Variants in KCTD14 observed in about 807,000 individuals in gnomAD.
KCTD14 encodes the protein potassium channel tetramerization domain containing 14, also known as BTB/POZ domain-containing protein KCTD14.
A neutral mutation model predicts 5.9 loss-of-function variants in KCTD14; 7 were observed. The observed-to-expected ratio is 1.19, with a 90% confidence interval of 0.68 to 2.23. The LOEUF (loss-of-function observed/expected upper bound fraction) is 2.23. Among genes scored for constraint, KCTD14 ranks in the 30% most tolerant of loss-of-function variants. KCTD14 has a pLI of 0.00. For missense variants in KCTD14, 342 were observed against 332.2 expected (o/e 1.03, Z -0.23); for synonymous variants, 140 against 133.1 (o/e 1.05, Z -0.36).
intron 1 of KCTD14, among the ~76,000 whole-genome samples, chr11:78,022,097 C>G (rs1435110542): frequency 6.6e-6 from 1 of 152,156 alleles, no homozygotes; most frequent in African/African-American, 2.4e-5. Flanking sequence ...CCTTGCAATT[C>G]CCTGTTTCTT....
intron 1 of KCTD14, among the ~76,000 whole-genome samples, chr11:78,021,487 C>G (rs922205579): frequency 4.0e-5 from 6 of 151,786 alleles, no homozygotes; most frequent in African/African-American, 1.5e-4. Flanking sequence ...GGTACAATCT[C>G]GGCTCACTGC....
intron 1 of KCTD14, among the ~76,000 whole-genome samples, chr11:78,022,279 C>T (rs768715278): frequency 6.6e-6 from 1 of 151,956 alleles, no homozygotes; most frequent in Non-Finnish European, 1.5e-5. Flanking sequence ...CAAACAAAAA[C>T]TCTGTGAGGC....
At chr11:78,041,409 G>C (rs930340708) in intron 1 of KCTD14, among the ~76,000 whole-genome samples, 3 of 152,156 alleles carry the variant, frequency 2.0e-5, no homozygotes, top group African/African-American at 7.2e-5. Context: ...TAAACACAGG[G>C]CTTACAACTT....
At chr11:78,023,034 A>ATGTCC (rs1857346996) in intron 1 of KCTD14, 126 bp downstream of exon 1, 2 of 650,796 alleles carry the variant, frequency 3.1e-6, no homozygotes, top group South Asian at 3.6e-5. Flanking sequence ...GAAGGGGGAC[A>ATGTCC]GCGCGCCAGA....
At position 78,016,809 on chromosome 11, in the gene KCTD14, C is replaced by A; in HGVS notation, c.552G>T (p.Glu184Asp). 6.2e-7 allele frequency: 1 copy of A among 1,614,138 alleles called. No individual in the cohort carries two copies. Among genetic ancestry groups the A allele is most frequent in the East Asian group, 2.2e-5 (1 of 44,888 alleles). Residue 184 changes from glutamate (E) to aspartate (D), a missense_variant, in exon 2 of 2, where the codon GAG (glutamate) becomes GAT (aspartate). Transcript: ENST00000353172. Reference protein sequence around the residue: ...ETEEQDAYYSEVLCFLQDKKM... With the variant: ...ETEEQDAYYSDVLCFLQDKKM... ...TCTTATCCTGCAGAAAACACAGGAC[C>A]TCTGAATAATATGCATCCTGCTCCT...
chr11:78,042,525 GA>G (rs1858022366), intron 1 of KCTD14, among the ~76,000 whole-genome samples: 1 of 151,908 alleles, frequency 6.6e-6, no homozygotes, highest in African/African-American at 2.4e-5. Context: ...AAAAAAAATA[GA>G]AGAAAGAGAA....
At chr11:78,026,691 C>T (rs1470141800), upstream of KCTD14, among the ~76,000 whole-genome samples, 1 of 152,044 alleles carries the variant, frequency 6.6e-6, no homozygotes, top group Non-Finnish European at 1.5e-5. Flanking sequence ...ATCTCTTGAG[C>T]CTAGGAGGTC....
In KCTD14 at chr11:78,016,929, G is replaced by GC; in HGVS notation, c.431dup (p.Tyr145LeufsTer32). The GC allele has an allele frequency of 6.2e-7, 1 of 1,614,214 alleles. No individual in the cohort carries two copies. The highest frequency in any genetic ancestry group is 8.5e-7 in the Non-Finnish European group (1 of 1,180,038). On this transcript the variant is annotated frameshift_variant, in exon 2 of 2. Coordinates refer to ENST00000353172, the MANE Select transcript of KCTD14 (RefSeq NM_023930.4). LOFTEE classifies it low-confidence loss of function (END_TRUNC). ...CCATGAGCTCCAGGTTCTCGCTGTA[G>GC]CCCGGCACTTGCAGCAAAAACTGCT... is the stretch of plus-strand genomic sequence containing the variant.
chr11:78,041,131 A>G (rs747817700), intron 1 of KCTD14, among the ~76,000 whole-genome samples: 4 of 152,262 alleles, frequency 2.6e-5, no homozygotes, highest in Admixed American at 6.5e-5. Context: ...TAGAGGCTCT[A>G]TCACCCCAGG....
intron 1 of KCTD14, among the ~76,000 whole-genome samples, 181 bp from the exon 2 acceptor site, chr11:78,017,451 CTTT>C (rs367766490): frequency 2.9e-5 from 4 of 135,836 alleles, no homozygotes; most frequent in East Asian, 2.1e-4. Flanking sequence ...AGGGGGTGGG[CTTT>C]TTTTTTTTTT....
intron 2 of KCTD14, among the ~76,000 whole-genome samples, chr11:78,036,733 T>C (rs551113939): frequency 1.3e-5 from 2 of 152,250 alleles, no homozygotes; most frequent in African/African-American, 2.4e-5. Flanking sequence ...CTTCAGGACA[T>C]GCCTTTGTTT....
At chr11:78,033,553 G>A (rs1857690915) in intron 2 of KCTD14, among the ~76,000 whole-genome samples, 1 of 151,934 alleles carries the variant, frequency 6.6e-6, no homozygotes. Context: ...ATGGTGGCAG[G>A]CACCTGTAGT....
At chr11:78,036,863 C>T (rs1275520774) in intron 2 of KCTD14, among the ~76,000 whole-genome samples, 1 of 152,158 alleles carries the variant, frequency 6.6e-6, no homozygotes, top group Admixed American at 6.6e-5. Context: ...CCGGATAAAT[C>T]GCTGCTAAGT....
chr11:78,016,501 G>A lies in KCTD14; in HGVS notation c.*92C>T, dbSNP rs1857166782. 11 of 1,137,520 alleles carry A rather than the reference G, an allele frequency of 9.7e-6. No homozygotes were observed. The South Asian group carries it at 1.6e-4, about 16-fold the overall frequency. 70.5% of individuals were successfully genotyped at this position (1,137,520 alleles called of 1,614,324 possible). A position where few individuals can be genotyped will look rare whatever the true frequency, so the allele number is the denominator to read the frequency against. On this transcript the variant is annotated 3_prime_UTR_variant, in exon 2 of 2. Transcript: ENST00000353172. Reference sequence around the variant, plus strand: ...TCTAGACCAACCCTGGAAATTGCCTGATGTTTGTGAAATTAAAAGAAAATG... The same window carrying A: ...TCTAGACCAACCCTGGAAATTGCCTAATGTTTGTGAAATTAAAAGAAAATG...
At position 78,016,031 on chromosome 11, in the gene KCTD14, G is replaced by A. The variant is rs186310293; in HGVS notation, c.*562C>T. On this transcript the variant is annotated 3_prime_UTR_variant, in exon 2 of 2. Coordinates refer to ENST00000353172, the MANE Select transcript of KCTD14 (RefSeq NM_023930.4). ...TCTGATTCAGTAGGTCTGAGGTGGG[G>A]CCTGAGGATTTGTATTTCCAGCAAG... 6.5e-6 allele frequency: 1 copy of A among 153,894 alleles called. No homozygotes were observed. The highest frequency in any genetic ancestry group is 1.9e-4 in the East Asian group (1 of 5,214). 9.5% of individuals were successfully genotyped at this position (153,894 alleles called of 1,614,324 possible).
At chr11:78,030,678 C>T (rs574572001) in intron 2 of KCTD14, among the ~76,000 whole-genome samples, 12 of 152,320 alleles carry the variant, frequency 7.9e-5, no homozygotes, top group Admixed American at 3.3e-4. Flanking sequence ...CCCCTCCAGG[C>T]GGCTGGGCTT....
intron 2 of KCTD14, among the ~76,000 whole-genome samples, chr11:78,033,887 G>GTA (rs1339646620): frequency 1.8e-5 from 1 of 54,384 alleles, no homozygotes; most frequent in Non-Finnish European, 4.4e-5. Flanking sequence ...TAGTGTGTGT[G>GTA]TATGTGTGTG....
intron 1 of KCTD14, among the ~76,000 whole-genome samples, chr11:78,043,526 G>C (rs1204843986): frequency 6.6e-6 from 1 of 152,208 alleles, no homozygotes; most frequent in Non-Finnish European, 1.5e-5. Context: ...AGAATCAAGT[G>C]AGGGGATAGA....
intron 1 of KCTD14, among the ~76,000 whole-genome samples, chr11:78,022,202 A>T (rs141180288): frequency 6.6e-6 from 1 of 152,138 alleles, no homozygotes; most frequent in Non-Finnish European, 1.5e-5. Flanking sequence ...TGAGCCTAAG[A>T]GTTTGAGACC....
Sources: gnomAD v4.1 joint callset for allele counts (sites outside exome capture counted in the v4.1 genomes callset) on GRCh38, gnomAD v4.1.1 for gene constraint, MANE v1.5 for transcripts, NCBI Gene and HGNC (gene_info 2026-07-23, HGNC 2026-07-21) for gene names.